Variants in NLRP2 observed in about 807,000 individuals in gnomAD.
NLRP2 encodes NACHT, LRR and PYD domains-containing protein 2.
A neutral mutation model predicts 97.2 loss-of-function variants in NLRP2; 107 were observed. The observed-to-expected ratio is 1.10, with a 90% CI of 0.94 to 1.29. NLRP2 has a LOEUF of 1.29. NLRP2 is among the 50% of genes most tolerant of loss of function. The pLI is 0.00. For synonymous variants in NLRP2, 663 were observed against 551.5 expected, an observed-to-expected ratio of 1.20 and a Z score of -2.83; for missense variants, 1,495 against 1,330.3, an observed-to-expected ratio of 1.12 and a Z score of -1.93.
Position 55,000,874 on chromosome 19 carries a change from T to G in NLRP2, c.3165T>G (p.Pro1055=), listed in dbSNP as rs781650162. 12 of 1,613,398 alleles carry G rather than the reference T, an allele frequency of 7.4e-6. No individual in the cohort carries two copies. Among genetic ancestry groups the G allele is most frequent in the Admixed American group, 3.3e-5 (2 of 59,966 alleles). Residue 1055 remains proline, a synonymous_variant, in exon 13 of 13, where the codon CCT becomes CCG. Coordinates refer to ENST00000448584, the MANE Select transcript of NLRP2 (RefSeq NM_017852.5). ...TEKHHPWAER[P]SSHDFMI ...AACATCATCCCTGGGCAGAAAGGCC[T>G]TCTTCTCATGACTTCATGATCTGAA...
At chr19:54,998,481 C>T (rs2072964405) in intron 12 of NLRP2, among the ~76,000 whole-genome samples, 1 of 151,902 alleles carries the variant, frequency 6.6e-6, no homozygotes, top group Non-Finnish European at 1.5e-5. Flanking sequence ...GAAACTCAGC[C>T]TAAGATACTT....
At chr19:54,971,076 G>A (rs1472127426) in intron 2 of NLRP2, among the ~76,000 whole-genome samples, 1 of 144,448 alleles carries the variant, frequency 6.9e-6, no homozygotes, top group Non-Finnish European at 1.5e-5. Flanking sequence ...GCGGTGTTTG[G>A]TTTTTTGTTC....
At position 54,986,201 on chromosome 19, in the gene NLRP2, T is replaced by TTC; in HGVS notation, c.2253_2254dup (p.Arg752LeufsTer7). 1.2e-6 allele frequency: 2 copies of TTC among 1,613,456 alleles called. No homozygotes were observed. Among genetic ancestry groups the TTC allele is most frequent in the South Asian group, 2.2e-5 (2 of 91,072 alleles). On this transcript the variant is annotated frameshift_variant, in exon 8 of 13. Transcript: ENST00000448584. LOFTEE classifies it high-confidence loss of function. ...GCTCATCGGAACCTCTGCCTAGCTC[T>TTC]TCGAGGTCACAAGACTGTAACGTAT...
At chr19:54,998,698 T>C (rs2073002575) in intron 12 of NLRP2, among the ~76,000 whole-genome samples, 1 of 130,878 alleles carries the variant, frequency 7.6e-6, no homozygotes, top group Non-Finnish European at 1.6e-5. Flanking sequence ...TTTGGCAGGG[T>C]CATAGGACAA....
rs141427711 is a variant in NLRP2, at chr19:54,982,636, C to T, written c.938C>T (p.Pro313Leu). ...TGCGGGGACTGGGAGAAGAAGAAGC[C>T]GGTGCCCGTCCTCCTGGGGAGTTTG... ...DICGDWEKKK[P>L]VPVLLGSLLN... Residue 313 changes from proline to leucine, a missense_variant, in exon 6 of 13, where the codon CCG becomes CTG. Pro to Leu is a moderately conservative substitution (Grantham distance 98, BLOSUM62 -3). Coordinates refer to ENST00000448584, the MANE Select transcript of NLRP2 (RefSeq NM_017852.5). 6.6e-5 allele frequency: 107 copies of T among 1,614,136 alleles called. No homozygotes were observed. The highest frequency in any genetic ancestry group is 6.5e-4 in the African/African-American group (49 of 75,034).
In NLRP2 at chr19:54,990,574, G is replaced by A. The variant is rs752968600; in HGVS notation, c.2610G>A (p.Leu870=). The A allele has an allele frequency of 1.9e-6, 3 of 1,614,196 alleles. No homozygotes were observed. Among genetic ancestry groups the A allele is most frequent in the Admixed American group, 3.3e-5 (2 of 60,018 alleles). ...CTGTGTTGGTTGTCAGCCGGGAGCTGACACACCTGTGCTTGGCCAAGAACC... is the reference window on the plus strand; with the variant it reads ...CTGTGTTGGTTGTCAGCCGGGAGCTAACACACCTGTGCTTGGCCAAGAACC... ...LAAVLVVSRE[L]THLCLAKNPI... is the part of the protein sequence containing the mutation. Residue 870 remains leucine, a synonymous_variant, in exon 10 of 13, where the codon CTG becomes CTA. Coordinates refer to ENST00000448584, the MANE Select transcript of NLRP2 (RefSeq NM_017852.5).
intron 3 of NLRP2, chr19:54,976,804 T>TTC (rs1176561272): frequency 7.8e-5 from 28 of 361,130 alleles, no homozygotes; most frequent in Middle Eastern, 3.8e-4. Context: ...TTCCACCTTG[T>TTC]TCTCTCTCTT....
Position 54,977,804 on chromosome 19 carries a change from C to G in NLRP2, c.378C>G (p.Arg126=). 1 of 1,613,750 alleles carries G rather than the reference C, an allele frequency of 6.2e-7. No homozygotes were observed. Among genetic ancestry groups the G allele is most frequent in the East Asian group, 2.2e-5 (1 of 44,862 alleles). The change falls in exon 4 of 13, where the codon CGC becomes CGG. Residue 126 remains arginine, a synonymous_variant. Coordinates refer to ENST00000448584, the MANE Select transcript of NLRP2 (RefSeq NM_017852.5). The stretch of plus-strand genomic sequence containing the variant: ...TAGACGTGGACGAAATGCTGGAGCG[C>G]TTCAAAACAGAAGCACAAGGTGGGT... ...PPLDVDEMLE[R]FKTEAQAFTE...
intron 8 of NLRP2, 51 bp downstream of exon 8, chr19:54,986,366 C>G (rs769353343): frequency 2.0e-6 from 3 of 1,520,598 alleles, no homozygotes; most frequent in Non-Finnish European, 2.7e-6. Flanking sequence ...TAAGCTACCA[C>G]AAGCTTATGT....
chr19:54,983,213 C>T lies in NLRP2; in HGVS notation c.1515C>T (p.Ser505=). The part of the protein sequence containing the change: ...SKGCYSFIHL[S]FQQFLTALFY... ...GCTGCTACTCCTTCATCCACCTCAGCTTCCAGCAGTTTCTCACTGCCCTGT... is the reference window on the plus strand; with the variant it reads ...GCTGCTACTCCTTCATCCACCTCAGTTTCCAGCAGTTTCTCACTGCCCTGT... The change falls in exon 6 of 13, where the codon AGC becomes AGT. Residue 505 remains serine (S), a synonymous_variant. Transcript: ENST00000448584. The T allele has an allele frequency of 1.9e-6, 3 of 1,614,100 alleles. No individual in the cohort carries two copies. The highest frequency in any genetic ancestry group is 2.5e-6 in the Non-Finnish European group (3 of 1,180,000).
chr19:54,978,320 C>A (rs367610376), intron 4 of NLRP2, among the ~76,000 whole-genome samples: 11 of 151,376 alleles, frequency 7.3e-5, no homozygotes, highest in African/African-American at 2.4e-4. Flanking sequence ...CTGCAACCTC[C>A]GCCTCCCAGA....
chr19:54,991,742 T>G (rs985979993), intron 10 of NLRP2, among the ~76,000 whole-genome samples: 3 of 148,758 alleles, frequency 2.0e-5, no homozygotes, highest in Non-Finnish European at 3.0e-5. Context: ...GGTGGTATGG[T>G]CCTGTAATCC....
intron 2 of NLRP2, among the ~76,000 whole-genome samples, chr19:54,972,063 C>G (rs1339965867): frequency 6.8e-6 from 1 of 147,864 alleles, no homozygotes; most frequent in Non-Finnish European, 1.5e-5. Flanking sequence ...AGGATAGTCT[C>G]GATGTCGTGA....
At chr19:54,991,970 T>C (rs1229117018) in intron 10 of NLRP2, among the ~76,000 whole-genome samples, 2 of 147,578 alleles carry the variant, frequency 1.4e-5, no homozygotes, top group South Asian at 2.2e-4. Context: ...TTGCCCACGC[T>C]GGCAATGGCA....
At chr19:54,979,934 G>A (rs8099976) in intron 4 of NLRP2, among the ~76,000 whole-genome samples, 21,101 of 151,816 alleles carry the variant, frequency 0.14, 1,674 homozygotes, top group East Asian at 0.36. Flanking sequence ...GTGCCACCAC[G>A]CCCAGCTAAT....
At chr19:54,966,840 T>C (rs2070462475) in intron 1 of NLRP2, among the ~76,000 whole-genome samples, 1 of 143,238 alleles carries the variant, frequency 7.0e-6, no homozygotes, top group African/African-American at 2.6e-5. Context: ...TTTTTTTTTT[T>C]TTTTTTTTTT....
Position 54,983,268 on chromosome 19 carries a change from G to A in NLRP2, c.1570G>A (p.Asp524Asn). Residue 524 changes from aspartate to asparagine, a missense_variant, in exon 6 of 13, where the codon GAT becomes AAT. By Grantham distance (23) the Asp-to-Asn change is conservative. Coordinates refer to ENST00000448584, the MANE Select transcript of NLRP2 (RefSeq NM_017852.5). ...FYTLEKEEEE[D>N]RDGHTWDIGD... Reference sequence around the variant, plus strand: ...CACCCTGGAGAAGGAGGAGGAAGAGGATAGGGACGGCCACACCTGGGACAT... The same window carrying A: ...CACCCTGGAGAAGGAGGAGGAAGAGAATAGGGACGGCCACACCTGGGACAT... 1.2e-6 allele frequency: 2 copies of A among 1,613,834 alleles called. No homozygotes were observed. The highest frequency in any genetic ancestry group is 8.5e-7 in the Non-Finnish European group (1 of 1,179,770).
At position 54,991,989 on chromosome 19, in the gene NLRP2, G is replaced by A. The variant is rs145279656; in HGVS notation, c.2708+1317G>A. Among the ~76,000 whole-genome samples, 594 of 146,274 alleles carry A rather than the reference G, an allele frequency of 4.1e-3. 1 individual carries two copies. The highest frequency in any genetic ancestry group is 0.014 in the African/African-American group (562 of 39,764). Reference sequence around the variant, plus strand: ...CCACGCTGGCAATGGCATGATCTAGGCTCACTGCAACCTCCGGCTTCAAGG... The same window carrying A: ...CCACGCTGGCAATGGCATGATCTAGACTCACTGCAACCTCCGGCTTCAAGG... On this transcript the variant is annotated intron_variant, in intron 10 of 12. Transcript: ENST00000448584.
In NLRP2 at chr19:54,986,147, C is replaced by T. The variant is rs748387295; in HGVS notation, c.2202-4C>T. The T allele has an allele frequency of 3.1e-6, 5 of 1,610,066 alleles. No homozygotes were observed. On this transcript the variant is annotated splice_polypyrimidine_tract_variant and splice_region_variant and intron_variant, in intron 7 of 12. Transcript: ENST00000448584. ...AGATTTCACTTTCGTTCTCTTTTCC[C>T]TAGGTTCAAAAACATTTCCCCAGCT... is the stretch of plus-strand genomic sequence containing the variant.
Sources: gnomAD v4.1 joint callset for allele counts (sites outside exome capture counted in the v4.1 genomes callset) on GRCh38, gnomAD v4.1.1 for gene constraint, MANE v1.5 for transcripts, NCBI Gene and HGNC (gene_info 2026-07-23, HGNC 2026-07-21) for gene names.